The following PTPN14 variants were observed in gnomAD, a reference collection of about 807,000 sequenced individuals.
PTPN14 encodes tyrosine-protein phosphatase non-receptor type 14.
A neutral mutation model predicts 126.8 loss-of-function variants in PTPN14; 53 were observed. The observed-to-expected ratio is 0.42, with a 90% CI of 0.34 to 0.53. The LOEUF (loss-of-function observed/expected upper bound fraction) is 0.53, where lower values mean the gene tolerates loss of function less well. Among genes scored for constraint, PTPN14 ranks in the 20% least tolerant of loss-of-function variants. The pLI, the probability that PTPN14 is intolerant of heterozygous loss-of-function variation, is 0.08. For missense variants in PTPN14, 1,257 were observed against 1,552.9 expected, an observed-to-expected ratio of 0.81 and a Z score of 3.20; for synonymous variants, 630 against 599.3, an observed-to-expected ratio of 1.05 and a Z score of -0.75.
At chr1:214,376,159 G>T (rs150263155) in intron 15 of PTPN14, 60 bp downstream of exon 15, 16 of 1,482,882 alleles carry the variant, frequency 1.1e-5, no homozygotes, top group Non-Finnish European at 1.4e-5. Flanking sequence ...TCTTCTCCCC[G>T]CATTTTTCCC....
chr1:214,462,888 C>CAAATTTGAACAATTATA (rs1295934864), intron 2 of PTPN14, among the ~76,000 whole-genome samples: 1 of 152,116 alleles, frequency 6.6e-6, no homozygotes, highest in Non-Finnish European at 1.5e-5. Context: ...TTAAGACTCT[C>CAAATTTGAACAATTATA]AAATTTGAAC....
chr1:214,370,685 A>G (rs1187517067), intron 16 of PTPN14, among the ~76,000 whole-genome samples: 2 of 152,170 alleles, frequency 1.3e-5, no homozygotes, highest in African/African-American at 4.8e-5. Context: ...GAGAATATGT[A>G]TTCTCAACCA....
intron 5 of PTPN14, among the ~76,000 whole-genome samples, chr1:214,405,410 G>A (rs1659141722): frequency 6.6e-6 from 1 of 152,026 alleles, no homozygotes; most frequent in African/African-American, 2.4e-5. Flanking sequence ...ATCACTTAAG[G>A]GGCCTATCAT....
rs151214913 is a variant in PTPN14 at position 214,383,422 on chromosome 1, G to A, written c.2433C>T (p.Pro811=). The A allele has an allele frequency of 2.0e-4, 324 of 1,614,098 alleles. No individual in the cohort carries two copies. The highest frequency in any genetic ancestry group is 7.7e-4 in the South Asian group (70 of 91,092). The change falls in exon 13 of 19, where the codon CCC becomes CCT. Residue 811 remains proline, a synonymous_variant. Transcript: ENST00000366956. The surrounding 1 kb of genome is among the most constrained non-coding windows in gnomAD (Gnocchi z 4.4). ...GASLGPSISE[P]DLTSVKERVK... ...CCCGCTCCTTCACACTAGTCAGGTC[G>A]GGTTCCGAGATGGATGGGCCGAGAG...
chr1:214,419,271 A>G (rs1005727035), intron 3 of PTPN14, among the ~76,000 whole-genome samples: 1 of 152,136 alleles, frequency 6.6e-6, no homozygotes, highest in Non-Finnish European at 1.5e-5. Context: ...CTGCAGAATC[A>G]TTATCATCAC....
intron 1 of PTPN14, among the ~76,000 whole-genome samples, chr1:214,465,784 C>T (rs910322561): frequency 6.6e-6 from 1 of 151,840 alleles, no homozygotes; most frequent in African/African-American, 2.4e-5. Context: ...GACTTAAGTG[C>T]CTCACTGAAT....
chr1:214,485,969 G>A lies in PTPN14; in HGVS notation c.-154-21012C>T, dbSNP rs373586324. Among the ~76,000 whole-genome samples the A allele has an allele frequency of 2.3e-4, 35 of 152,154 alleles. 1 individual carries two copies. The South Asian group carries it at 6.0e-3, about 26-fold the overall frequency. On this transcript the variant is annotated intron_variant, in intron 1 of 18. Coordinates refer to ENST00000366956, the MANE Select transcript of PTPN14 (RefSeq NM_005401.5). ...TCTCGATCTCCTGACCTCGTGATCC[G>A]CCCGCCTTGGCCTCTCAAAGTATTG... is the stretch of plus-strand genomic sequence containing the variant.
At chr1:214,451,230 G>A (rs1014772619) in intron 3 of PTPN14, among the ~76,000 whole-genome samples, 18 of 151,968 alleles carry the variant, frequency 1.2e-4, no homozygotes, top group African/African-American at 3.9e-4. Context: ...GCATGATCAC[G>A]GCTCACTGCA....
chr1:214,395,090 A>G, intron 8 of PTPN14, 104 bp from the exon 9 acceptor site: 1 of 960,608 alleles, frequency 1.0e-6, no homozygotes, highest in East Asian at 2.4e-5. Context: ...TTAACAAACT[A>G]TGATTTAACT....
chr1:214,378,035 T>C lies in PTPN14; in HGVS notation c.2612A>G (p.Asn871Ser), dbSNP rs751417115. Reference sequence around the variant, plus strand: ...TGAGACTCGAGCCACCGAGAGCCCATTCAATGCTGCCAACATCAGCGGCCT... The same window carrying C: ...TGAGACTCGAGCCACCGAGAGCCCACTCAATGCTGCCAACATCAGCGGCCT... ...QKRPLMLAALNGLSVARVSGR... is the reference protein window; with the variant it reads ...QKRPLMLAALSGLSVARVSGR... Residue 871 changes from asparagine to serine, a missense_variant, in exon 14 of 19, where the codon AAT becomes AGT. Coordinates refer to ENST00000366956, the MANE Select transcript of PTPN14 (RefSeq NM_005401.5). The C allele has an allele frequency of 2.5e-6, 4 of 1,612,980 alleles. No individual in the cohort carries two copies. Among genetic ancestry groups the C allele is most frequent in the Non-Finnish European group, 3.4e-6 (4 of 1,179,998 alleles).
At position 214,439,262 on chromosome 1, in the gene PTPN14, T is replaced by C. The variant is rs1050572176; in HGVS notation, c.344+12543A>G. On this transcript the variant is annotated intron_variant, in intron 3 of 18. Coordinates refer to ENST00000366956, the MANE Select transcript of PTPN14 (RefSeq NM_005401.5). ...CTCATCAGTAGCTATCTTTTCACAG[T>C]TGGCCATTTTATTTCAAGGATCCAA... Among the ~76,000 whole-genome samples, 9 of 152,228 alleles carry C rather than the reference T, an allele frequency of 5.9e-5. No individual in the cohort carries two copies. The East Asian group carries it at 1.5e-3, about 26-fold the overall frequency.
chr1:214,462,529 T>C (rs74139877), intron 2 of PTPN14, among the ~76,000 whole-genome samples: 2,280 of 152,328 alleles, frequency 0.015, 60 homozygotes, highest in African/African-American at 0.052. Context: ...GCTGGACTGA[T>C]ACATGTCCTT....
intron 2 of PTPN14, among the ~76,000 whole-genome samples, chr1:214,453,200 G>A (rs932618492): frequency 1.3e-5 from 2 of 152,164 alleles, no homozygotes; most frequent in African/African-American, 4.8e-5. Context: ...TGCATTTCTT[G>A]AGCAACAAAA....
intron 1 of PTPN14, among the ~76,000 whole-genome samples, chr1:214,512,880 C>A (rs1444343699): frequency 6.6e-6 from 1 of 151,986 alleles, no homozygotes; most frequent in Non-Finnish European, 1.5e-5. Flanking sequence ...TTTGTAGAGA[C>A]AAGTTTTTGC....
At chr1:214,503,704 A>G (rs1396225845) in intron 1 of PTPN14, among the ~76,000 whole-genome samples, 2 of 152,238 alleles carry the variant, frequency 1.3e-5, no homozygotes, top group African/African-American at 4.8e-5. Context: ...GTAAAATCCT[A>G]TGATGTACTT....
chr1:214,440,853 A>T (rs1172658934), intron 3 of PTPN14, among the ~76,000 whole-genome samples: 10 of 152,230 alleles, frequency 6.6e-5, no homozygotes, highest in Admixed American at 6.5e-4. Context: ...CCAGTTAGAC[A>T]GCACATGCCT....
intron 3 of PTPN14, among the ~76,000 whole-genome samples, chr1:214,446,815 A>T (rs1660155929): frequency 6.6e-6 from 1 of 152,208 alleles, no homozygotes; most frequent in Admixed American, 6.5e-5. Context: ...GCTGGTCATG[A>T]CTAATGCTAT....
intron 5 of PTPN14, among the ~76,000 whole-genome samples, chr1:214,407,601 C>A (rs917308113): frequency 1.3e-5 from 2 of 152,114 alleles, no homozygotes; most frequent in African/African-American, 4.8e-5. Flanking sequence ...TTTAGACTGA[C>A]CTCATGCACT....
At chr1:214,378,675 T>C (rs1658402185) in intron 13 of PTPN14, among the ~76,000 whole-genome samples, 1 of 152,084 alleles carries the variant, frequency 6.6e-6, no homozygotes, top group Admixed American at 6.5e-5. Context: ...TAAGGGTGTG[T>C]CATCCCCAGA....
Sources: gnomAD v4.1 joint callset for allele counts (sites outside exome capture counted in the v4.1 genomes callset) on GRCh38, gnomAD v4.1.1 for gene constraint, Gnocchi (gnomAD v3.1) non-coding constraint, MANE v1.5 for transcripts, NCBI Gene and HGNC (gene_info 2026-07-23, HGNC 2026-07-21) for gene names.